Variants in DYNC1I1 observed in about 807,000 individuals in gnomAD.
DYNC1I1 encodes dynein cytoplasmic 1 intermediate chain 1.
A neutral mutation model predicts 86.6 loss-of-function variants in DYNC1I1; 43 were observed. That is an observed-to-expected ratio of 0.50 (90% CI 0.39 to 0.64). The LOEUF (loss-of-function observed/expected upper bound fraction) is 0.64. Among genes scored for constraint, DYNC1I1 ranks in the 30% least tolerant of loss-of-function variants. The pLI, the probability that DYNC1I1 is intolerant of heterozygous loss-of-function variation, is 0.00. For synonymous variants in DYNC1I1, 262 were observed against 283.7 expected (o/e 0.92, Z 0.77); for missense variants, 604 against 788.8 (o/e 0.77, Z 2.81).
intron 5 of DYNC1I1, among the ~76,000 whole-genome samples, chr7:95,851,064 G>C (rs576313310): frequency 1.3e-5 from 2 of 152,004 alleles, no homozygotes; most frequent in South Asian, 4.2e-4. Context: ...AGCCTGCCGT[G>C]CAGCTGGGAC....
intron 14 of DYNC1I1, among the ~76,000 whole-genome samples, chr7:96,067,506 A>G (rs1562992454): frequency 6.6e-6 from 1 of 151,266 alleles, no homozygotes; most frequent in Non-Finnish European, 1.5e-5. Context: ...TTGACTTTGA[A>G]AGAAACCACA....
rs17852087 is a variant in DYNC1I1, at chr7:96,080,455, G to A, written c.1743G>A (p.Ser581=). Reference sequence around the variant, plus strand: ...GCAAAGAAGTTGCTGTTGGGGACTCGGAAGGCCGTATTTGGGTCTATGACG... The same window carrying A: ...GCAAAGAAGTTGCTGTTGGGGACTCAGAAGGCCGTATTTGGGTCTATGACG... The part of the protein sequence containing the change: ...QAGKEVAVGD[S]EGRIWVYDVG... Residue 581 remains serine (S), a synonymous_variant, in exon 16 of 17, where the codon TCG becomes TCA. Coordinates refer to ENST00000447467, the MANE Select transcript of DYNC1I1 (RefSeq NM_001135556.2). 21 of 1,614,046 alleles carry A rather than the reference G, an allele frequency of 1.3e-5. No homozygotes were observed. Among genetic ancestry groups the A allele is most frequent in the African/African-American group, 4.0e-5 (3 of 74,918 alleles).
At chr7:95,798,159 A>C (rs1202666404) in intron 1 of DYNC1I1, among the ~76,000 whole-genome samples, 1 of 152,220 alleles carries the variant, frequency 6.6e-6, no homozygotes, top group Non-Finnish European at 1.5e-5. Context: ...CTGAGATAAA[A>C]ATGTTTGAGA....
chr7:95,828,088 C>T lies in DYNC1I1; in HGVS notation c.346C>T (p.Leu116Phe). The part of the protein sequence containing the change: ...TLQWDTDPSV[L>F]QLQSDSELGR... ...GCAGTGGGACACAGACCCCTCAGTG[C>T]TCCAGCTGCAGTCAGACTCAGAACT... The change falls in exon 5 of 17, where the codon CTC (leucine) becomes TTC (phenylalanine). Residue 116 changes from leucine to phenylalanine, a missense_variant. By Grantham distance (22) the Leu-to-Phe change is conservative. Coordinates refer to ENST00000447467, the MANE Select transcript of DYNC1I1 (RefSeq NM_001135556.2). 6.2e-7 allele frequency: 1 copy of T among 1,613,878 alleles called. No homozygotes were observed. The highest frequency in any genetic ancestry group is 8.5e-7 in the Non-Finnish European group (1 of 1,179,808).
intron 16 of DYNC1I1, among the ~76,000 whole-genome samples, chr7:96,088,043 T>C (rs1306130210): frequency 2.0e-5 from 3 of 152,190 alleles, no homozygotes; most frequent in African/African-American, 7.2e-5. Flanking sequence ...ATGTTGTAAG[T>C]ATTCATCTTA....
intron 16 of DYNC1I1, among the ~76,000 whole-genome samples, chr7:96,108,930 T>C (rs1007623307): frequency 6.6e-6 from 1 of 152,114 alleles, no homozygotes; most frequent in African/African-American, 2.4e-5. Flanking sequence ...ACATTGTTTC[T>C]TTCTTCTTCA....
intron 6 of DYNC1I1, among the ~76,000 whole-genome samples, chr7:95,894,780 G>T (rs562857874): frequency 6.6e-6 from 1 of 152,310 alleles, no homozygotes; most frequent in East Asian, 1.9e-4. Context: ...GCATCCTGCT[G>T]GTTGTGGAAA....
chr7:95,885,906 T>C (rs1383123797), intron 6 of DYNC1I1, among the ~76,000 whole-genome samples: 1 of 152,220 alleles, frequency 6.6e-6, no homozygotes, highest in East Asian at 1.9e-4. Context: ...TTGCACTTAA[T>C]TTTTTGGCCT....
chr7:95,816,014 A>T (rs1271191643), intron 4 of DYNC1I1, among the ~76,000 whole-genome samples: 1 of 147,134 alleles, frequency 6.8e-6, no homozygotes, highest in African/African-American at 2.5e-5. Context: ...CCTCTTATTG[A>T]TTTTTTTTTT....
chr7:96,060,926 A>G (rs1789746514), intron 14 of DYNC1I1, among the ~76,000 whole-genome samples: 1 of 152,204 alleles, frequency 6.6e-6, no homozygotes, highest in Admixed American at 6.5e-5. Context: ...CCAAAATGGA[A>G]CACCGAAAAA....
chr7:95,967,293 G>A (rs1793040654), intron 6 of DYNC1I1, among the ~76,000 whole-genome samples: 1 of 152,170 alleles, frequency 6.6e-6, no homozygotes, highest in African/African-American at 2.4e-5. Context: ...AGTGCTATGA[G>A]AGGTTAAAGG....
intron 16 of DYNC1I1, among the ~76,000 whole-genome samples, chr7:96,109,429 G>T (rs1791276224): frequency 7.2e-6 from 1 of 139,652 alleles, no homozygotes; most frequent in African/African-American, 2.7e-5. Flanking sequence ...TTGCATCTTT[G>T]GGGTTTAACT....
intron 1 of DYNC1I1, among the ~76,000 whole-genome samples, chr7:95,802,459 A>G (rs544170899): frequency 6.6e-6 from 1 of 152,250 alleles, no homozygotes; most frequent in Non-Finnish European, 1.5e-5. Flanking sequence ...CCTTATTTCT[A>G]GTTTTTGCTC....
chr7:95,896,788 C>G (rs1302546589), intron 6 of DYNC1I1, among the ~76,000 whole-genome samples: 4 of 152,164 alleles, frequency 2.6e-5, no homozygotes, highest in Non-Finnish European at 5.9e-5. Flanking sequence ...GAATGTCAAT[C>G]CGTGATCTTT....
At chr7:95,901,385 T>A (rs969656031) in intron 6 of DYNC1I1, among the ~76,000 whole-genome samples, 2 of 152,218 alleles carry the variant, frequency 1.3e-5, no homozygotes, top group Admixed American at 6.5e-5. Flanking sequence ...AATGTATCAT[T>A]GCATCTGTTT....
chr7:96,025,762 C>T (rs1424075747), intron 10 of DYNC1I1, among the ~76,000 whole-genome samples: 1 of 151,550 alleles, frequency 6.6e-6, no homozygotes, highest in Non-Finnish European at 1.5e-5. Context: ...TGATTGCCAA[C>T]TATGTGTTTC....
At chr7:96,078,954 C>T (rs1790428588) in intron 15 of DYNC1I1, among the ~76,000 whole-genome samples, 1 of 152,056 alleles carries the variant, frequency 6.6e-6, no homozygotes, top group African/African-American at 2.4e-5. Flanking sequence ...CTAGCTTGCA[C>T]AGCAGGTACT....
intron 6 of DYNC1I1, among the ~76,000 whole-genome samples, chr7:95,910,023 G>A (rs1791288466): frequency 2.0e-5 from 3 of 152,156 alleles, no homozygotes; most frequent in South Asian, 4.1e-4. Flanking sequence ...CCCACTGTTA[G>A]GCCACTGCAA....
intron 6 of DYNC1I1, among the ~76,000 whole-genome samples, chr7:95,930,436 A>G (rs1007470297): frequency 1.3e-5 from 2 of 152,202 alleles, no homozygotes; most frequent in African/African-American, 4.8e-5. Flanking sequence ...TTATATTTCA[A>G]TGTTACCATT....
Sources: allele counts gnomAD v4.1 joint callset (sites outside exome capture counted in the v4.1 genomes callset), GRCh38; gene constraint gnomAD v4.1.1; transcripts MANE v1.5; gene names NCBI Gene and HGNC (gene_info 2026-07-23, HGNC 2026-07-21).